EYA1: variants seen among roughly 807,000 people sequenced by gnomAD.
EYA1 encodes the protein protein phosphatase EYA1.
EYA1 carries 16 observed loss-of-function variants against 82.0 expected under a neutral mutation model. The ratio of observed to expected loss-of-function variants is 0.20; its 90% CI spans 0.13 to 0.30. EYA1 has a LOEUF of 0.30. Among genes scored for constraint, EYA1 ranks in the 10% least tolerant of loss-of-function variants. The pLI, the probability that EYA1 is intolerant of heterozygous loss-of-function variation, is 1.00. For missense variants in EYA1, 633 were observed against 730.7 expected (o/e 0.87, Z 1.54); for synonymous variants, 261 against 264.4 (o/e 0.99, Z 0.12).
At chr8:71,515,474 A>T (rs1161906071) in intron 2 of EYA1, among the ~76,000 whole-genome samples, 1 of 151,344 alleles carries the variant, frequency 6.6e-6, no homozygotes, top group Non-Finnish European at 1.5e-5. Context: ...TTGAATCTCA[A>T]TATCAAAAAA....
chr8:71,536,875 G>A (rs764618850), intron 1 of EYA1, among the ~76,000 whole-genome samples: 1 of 152,174 alleles, frequency 6.6e-6, no homozygotes, highest in Non-Finnish European at 1.5e-5. Flanking sequence ...CCACTAAACA[G>A]CTGAATGATC....
rs993773315 is a variant in EYA1, at chr8:71,279,469, T to C, written c.827-7572A>G. On this transcript the variant is annotated intron_variant, in intron 9 of 17. Transcript: ENST00000340726. ...CTAAGTCAAGAAGGCAAGGATATTA[T>C]AGTTCTTCCGTGGCATTCCCCATAG... Among the ~76,000 whole-genome samples the C allele has an allele frequency of 7.2e-5, 11 of 152,372 alleles. No individual in the cohort carries two copies. In the East Asian group the frequency reaches 1.7e-3, roughly 24 times the overall value.
At chr8:71,346,446 A>ATATATC (rs1554561604) in intron 3 of EYA1, among the ~76,000 whole-genome samples, 2 of 135,780 alleles carry the variant, frequency 1.5e-5, no homozygotes, top group Non-Finnish European at 3.0e-5. Flanking sequence ...ATATATATAT[A>ATATATC]TATATATATC....
chr8:71,513,065 C>T (rs1047704024), intron 2 of EYA1, among the ~76,000 whole-genome samples: 3 of 152,102 alleles, frequency 2.0e-5, no homozygotes, highest in African/African-American at 7.2e-5. Context: ...AAAAGTGAGA[C>T]TCAATGATCT....
At chr8:71,461,622 G>T (rs1395861178) in intron 2 of EYA1, among the ~76,000 whole-genome samples, 1 of 152,172 alleles carries the variant, frequency 6.6e-6, no homozygotes. Flanking sequence ...GCATGTTTCA[G>T]CCCTGTTTGT....
chr8:71,349,411 T>G (rs1033627286), intron 3 of EYA1, among the ~76,000 whole-genome samples: 1 of 152,230 alleles, frequency 6.6e-6, no homozygotes, highest in South Asian at 2.1e-4. Context: ...GCAAATCACA[T>G]ATTCTCTCCA....
At chr8:71,443,515 G>A (rs1474591687) in intron 2 of EYA1, among the ~76,000 whole-genome samples, 7 of 152,074 alleles carry the variant, frequency 4.6e-5, no homozygotes, top group East Asian at 3.9e-4. Context: ...CCCTGGCTTC[G>A]GGTGATCCAC....
intron 2 of EYA1, among the ~76,000 whole-genome samples, chr8:71,394,000 G>C (rs550844409): frequency 6.6e-6 from 1 of 152,242 alleles, no homozygotes; most frequent in African/African-American, 2.4e-5. Flanking sequence ...GTGTGAGATG[G>C]TATCTCATGG....
intron 10 of EYA1, 142 bp downstream of exon 10, chr8:71,271,616 T>C: frequency 7.9e-6 from 7 of 889,964 alleles, no homozygotes; most frequent in Non-Finnish European, 1.1e-5. Context: ...AATATTACTT[T>C]ATCTATTGTT....
At chr8:71,279,873 A>T (rs1165681955) in intron 9 of EYA1, among the ~76,000 whole-genome samples, 4 of 152,054 alleles carry the variant, frequency 2.6e-5, no homozygotes, top group African/African-American at 9.7e-5. Flanking sequence ...GAGTTCCTAT[A>T]CCCTAGAGCA....
chr8:71,465,717 C>T (rs935840568), intron 2 of EYA1, among the ~76,000 whole-genome samples: 6 of 152,186 alleles, frequency 3.9e-5, no homozygotes, highest in South Asian at 2.1e-4. Flanking sequence ...TTTATATTCA[C>T]GATTACTATG....
intron 11 of EYA1, among the ~76,000 whole-genome samples, chr8:71,260,585 A>G (rs1394365762): frequency 6.6e-6 from 1 of 152,224 alleles, no homozygotes; most frequent in Non-Finnish European, 1.5e-5. Context: ...ATCTTGAGAC[A>G]GGAGTTATCA....
intron 2 of EYA1, among the ~76,000 whole-genome samples, chr8:71,375,334 A>G (rs1342072370): frequency 6.6e-6 from 1 of 152,074 alleles, no homozygotes; most frequent in Non-Finnish European, 1.5e-5. Context: ...GTGGAGTAAT[A>G]TAAATGCCAA....
chr8:71,384,884 T>C (rs1373458287), intron 2 of EYA1, among the ~76,000 whole-genome samples: 1 of 152,226 alleles, frequency 6.6e-6, no homozygotes, highest in African/African-American at 2.4e-5. Flanking sequence ...TACTAGATTG[T>C]AGTGTTGATC....
chr8:71,453,974 G>A (rs568800917), intron 2 of EYA1, among the ~76,000 whole-genome samples: 71 of 152,208 alleles, frequency 4.7e-4, no homozygotes, highest in South Asian at 1.2e-3. Context: ...ACACAGACTG[G>A]CAAATTGGAT....
intron 10 of EYA1, among the ~76,000 whole-genome samples, 154 bp from the exon 11 acceptor site, chr8:71,269,977 T>C (rs1204452455): frequency 1.3e-5 from 2 of 152,210 alleles, no homozygotes; most frequent in African/African-American, 4.8e-5. Flanking sequence ...TCAAAGAGTA[T>C]CTCCTAACTT....
intron 4 of EYA1, among the ~76,000 whole-genome samples, chr8:71,327,973 A>G (rs1253997960): frequency 1.3e-5 from 2 of 149,220 alleles, no homozygotes; most frequent in Non-Finnish European, 2.9e-5. Flanking sequence ...CTCCTGCCTC[A>G]GCCTCCTGAA....
intron 12 of EYA1, among the ~76,000 whole-genome samples, chr8:71,229,386 G>A (rs1011637059): frequency 5.9e-5 from 9 of 152,192 alleles, no homozygotes; most frequent in African/African-American, 1.9e-4. Context: ...TGAAAACTCT[G>A]CATTTGATGA....
At chr8:71,366,400 T>C (rs1279253085), upstream of EYA1, among the ~76,000 whole-genome samples, 1 of 152,196 alleles carries the variant, frequency 6.6e-6, no homozygotes, top group African/African-American at 2.4e-5. Context: ...ATCTCAGCGA[T>C]AAGTTATTTT....
Sources: gnomAD v4.1 joint callset for allele counts (sites outside exome capture counted in the v4.1 genomes callset) on GRCh38, gnomAD v4.1.1 for gene constraint, MANE v1.5 for transcripts, NCBI Gene and HGNC (gene_info 2026-07-23, HGNC 2026-07-21) for gene names.